The following PKD1L3 variants were observed in gnomAD, a reference collection of about 807,000 sequenced individuals.
PKD1L3 encodes polycystin-1-like protein 3.
In PKD1L3, 239 loss-of-function variants were observed where a neutral mutation model predicts 184.1. The observed-to-expected ratio is 1.30, with a 90% CI of 1.17 to 1.45. The LOEUF is 1.45. Ranked by LOEUF, PKD1L3 falls within the 40% of genes most tolerant of loss-of-function variation. PKD1L3 has a pLI of 0.00. For missense variants in PKD1L3, 2,660 were observed against 2,067.2 expected, an observed-to-expected ratio of 1.29 and a Z score of -5.56; for synonymous variants, 996 against 778.8, an observed-to-expected ratio of 1.28 and a Z score of -4.64.
At chr16:71,995,072 G>A (rs574957722) in intron 2 of PKD1L3, among the ~76,000 whole-genome samples, 32 of 152,240 alleles carry the variant, frequency 2.1e-4, no homozygotes, top group Middle Eastern at 3.4e-3. Context: ...CCACAAACAG[G>A]GTAATTTATA....
At chr16:71,945,281 TATATATATATATATATATATATATACAC>T (rs1283185556) in intron 22 of PKD1L3, among the ~76,000 whole-genome samples, 1 of 56,692 alleles carries the variant, frequency 1.8e-5, no homozygotes, top group African/African-American at 1.1e-4. Context: ...TATATATATA[TATATATATATATATATATATATATACAC>T]ACACACACAC....
chr16:71,960,177 A>C (rs929194390), intron 16 of PKD1L3, among the ~76,000 whole-genome samples: 34 of 152,122 alleles, frequency 2.2e-4, no homozygotes, highest in Middle Eastern at 6.8e-3. Flanking sequence ...TAAAAAAAAA[A>C]AACCAAAAAA....
chr16:71,993,470 T>A, intron 2 of PKD1L3, 138 bp from the exon 3 acceptor site: 1 of 601,202 alleles, frequency 1.7e-6, no homozygotes, highest in Non-Finnish European at 2.8e-6. Flanking sequence ...TTAAGGACAC[T>A]AAGAATTCTG....
chr16:71,942,809 A>C lies in PKD1L3; in HGVS notation c.4075T>G (p.Cys1359Gly). Residue 1359 changes from cysteine (C) to glycine (G), a missense_variant, in exon 24 of 30, where the codon TGC (cysteine) becomes GGC (glycine). Cys to Gly is a radical substitution (Grantham distance 159). Coordinates refer to ENST00000620267, the MANE Select transcript of PKD1L3 (RefSeq NM_181536.2). ...GKNAVLEPSH[C>G]KCGVQLIFQI... The stretch of plus-strand genomic sequence containing the variant: ...AAAATTAATTGTACCCCACATTTGC[A>C]ATGACTGGGCTCCAGGACTGCATTC... 1 of 1,551,588 alleles carries C rather than the reference A, an allele frequency of 6.4e-7. No homozygotes were observed. Among genetic ancestry groups the C allele is most frequent in the Admixed American group, 2.0e-5 (1 of 50,994 alleles).
At chr16:71,981,932 G>A in intron 7 of PKD1L3, 127 bp downstream of exon 7, 2 of 1,086,344 alleles carry the variant, frequency 1.8e-6, no homozygotes, top group Non-Finnish European at 2.5e-6. Flanking sequence ...TGGCAGAGGA[G>A]TTTCTTCTGC....
In PKD1L3 at chr16:71,990,277, T is replaced by G. The variant is rs1381937189; in HGVS notation, c.585+3A>C. 1 of 1,544,148 alleles carries G rather than the reference T, an allele frequency of 6.5e-7. No homozygotes were observed. Among genetic ancestry groups the G allele is most frequent in the Admixed American group, 2.0e-5 (1 of 50,908 alleles). On this transcript the variant is annotated splice_donor_region_variant and intron_variant, in intron 4 of 29. Coordinates refer to ENST00000620267, the MANE Select transcript of PKD1L3 (RefSeq NM_181536.2). ...AATGTATGTTGTCAAGGGAAGCACT[T>G]ACAAGATGAGCAGGAAGAGGATAGT...
At chr16:71,935,662 A>G (rs1475477292) in intron 25 of PKD1L3, 144 bp from the exon 26 acceptor site, 4 of 759,408 alleles carry the variant, frequency 5.3e-6, no homozygotes, top group South Asian at 4.2e-5. Flanking sequence ...CAAATGGGTT[A>G]TGGTCTTAGT....
At chr16:71,941,488 G>GA (rs955474954) in intron 24 of PKD1L3, among the ~76,000 whole-genome samples, 7 of 148,010 alleles carry the variant, frequency 4.7e-5, no homozygotes, top group African/African-American at 2.5e-5. Flanking sequence ...AAAGTGAACA[G>GA]AAAAAATGGA....
chr16:71,954,876 G>C (rs1262558151), intron 16 of PKD1L3, among the ~76,000 whole-genome samples: 3 of 152,134 alleles, frequency 2.0e-5, no homozygotes, highest in Non-Finnish European at 4.4e-5. Context: ...GTGGGAGTTT[G>C]ACTTTTGTAC....
intron 11 of PKD1L3, among the ~76,000 whole-genome samples, chr16:71,974,427 C>G (rs1367590475): frequency 6.6e-6 from 1 of 152,190 alleles, no homozygotes; most frequent in African/African-American, 2.4e-5. Flanking sequence ...GGCCTATAAT[C>G]CAAGCACTTT....
chr16:71,961,942 G>T (rs1384039312), intron 16 of PKD1L3, among the ~76,000 whole-genome samples: 1 of 152,170 alleles, frequency 6.6e-6, no homozygotes, highest in East Asian at 1.9e-4. Flanking sequence ...ATGTAAGGAC[G>T]TGGTGTTTGG....
chr16:71,991,622 G>C (rs2040594331), intron 3 of PKD1L3, among the ~76,000 whole-genome samples: 1 of 152,164 alleles, frequency 6.6e-6, no homozygotes, highest in Non-Finnish European at 1.5e-5. Context: ...GTACAGGAAA[G>C]ACACAGAGGG....
In PKD1L3 at chr16:71,930,058, C is replaced by T. The variant is rs969931221; in HGVS notation, c.5052G>A (p.Ser1684=). Residue 1684 remains serine (S), a synonymous_variant, in exon 29 of 30, where the codon TCG becomes TCA. Transcript: ENST00000620267. ...ILMAFGKERK[S]LKKEAALIDT... ...TTATCTTTTAGTTACCTACCTTAAG[C>T]GACTTTCTTTCTTTTCCAAAGGCCA... The T allele has an allele frequency of 8.4e-6, 13 of 1,548,310 alleles. No individual in the cohort carries two copies. Among genetic ancestry groups the T allele is most frequent in the African/African-American group, 2.7e-5 (2 of 72,798 alleles).
chr16:71,947,503 A>G lies in PKD1L3; in HGVS notation c.3707T>C (p.Leu1236Ser), dbSNP rs200917227. 1.9e-3 allele frequency: 2,826 copies of G among 1,525,154 alleles called. 2 individuals carry two copies. The highest frequency in any genetic ancestry group is 2.4e-3 in the Non-Finnish European group (2,678 of 1,129,838). The allele number at this position is 1,525,154 out of a possible 1,614,324, so 94.5% of individuals were successfully genotyped here. The change falls in exon 22 of 30, where the codon TTG (leucine) becomes TCG (serine). Residue 1236 changes from leucine to serine, a missense_variant. By Grantham distance (145) the Leu-to-Ser change is moderately radical (BLOSUM62 -2). Transcript: ENST00000620267. ...ACTACTTGAGTTACCCAAGAGTGCC[A>G]AGATCCTCTTTGTTTGTTGTTCATT... ...KENEQQTKRI[L>S]ALLAKCSSSV...
chr16:71,997,365 T>G (rs1432783800), intron 2 of PKD1L3, among the ~76,000 whole-genome samples: 1 of 151,412 alleles, frequency 6.6e-6, no homozygotes, highest in South Asian at 2.1e-4. Context: ...GGTGGGAGGA[T>G]TGCTTGAGTC....
intron 10 of PKD1L3, 58 bp downstream of exon 10, chr16:71,978,197 A>G: frequency 6.6e-7 from 1 of 1,504,530 alleles, no homozygotes; most frequent in East Asian, 2.5e-5. Flanking sequence ...GCATCCTTCC[A>G]TCCTGTTGCA....
rs71153694 is a variant in PKD1L3 at position 71,986,914 on chromosome 16, A to ATTTTTTTTTTT, written c.586-456_586-446dup. The stretch of plus-strand genomic sequence containing the variant: ...GAGGATGTTCAGTGGTAAGGAGAGG[A>ATTTTTTTTTTT]TTTTTTTTTTTTTTTTTTTTTTTTT... On this transcript the variant is annotated intron_variant, in intron 4 of 29. Coordinates refer to ENST00000620267, the MANE Select transcript of PKD1L3 (RefSeq NM_181536.2). 9.8e-5 allele frequency among the ~76,000 whole-genome samples: 8 copies of ATTTTTTTTTTT among 81,366 alleles called. 1 individual carries two copies. The highest frequency in any genetic ancestry group is 4.5e-4 in the African/African-American group (8 of 17,802). 53.4% of individuals were successfully genotyped at this position (81,366 alleles called of 152,430 possible). A position where few individuals can be genotyped will look rare whatever the true frequency, so the allele number is the denominator to read the frequency against.
chr16:71,994,933 A>G (rs1177688659), intron 2 of PKD1L3, among the ~76,000 whole-genome samples: 3 of 152,174 alleles, frequency 2.0e-5, no homozygotes, highest in African/African-American at 7.2e-5. Context: ...GGTTGCAGTG[A>G]GCCAAGATCA....
intron 11 of PKD1L3, among the ~76,000 whole-genome samples, chr16:71,973,987 G>C (rs1006448326): frequency 3.9e-5 from 5 of 126,870 alleles, no homozygotes; most frequent in Admixed American, 8.9e-5. Context: ...GGGCAACAGA[G>C]TGAGATTTTG....
Sources: gnomAD v4.1 joint callset for allele counts (sites outside exome capture counted in the v4.1 genomes callset) on GRCh38, gnomAD v4.1.1 for gene constraint, MANE v1.5 for transcripts, NCBI Gene and HGNC (gene_info 2026-07-23, HGNC 2026-07-21) for gene names.